NIN: variants seen among roughly 807,000 people sequenced by gnomAD.
NIN encodes the protein ninein.
In NIN, 137 loss-of-function variants were observed where a neutral mutation model predicts 257.6. That is an observed-to-expected ratio of 0.53 (90% CI 0.46 to 0.61). NIN has a LOEUF of 0.61. NIN is among the 20% of genes least tolerant of loss of function. NIN has a pLI of 0.00. For missense variants in NIN, 2,439 were observed against 2,501.2 expected, an observed-to-expected ratio of 0.98 and a Z score of 0.53; for synonymous variants, 918 against 919.8, an observed-to-expected ratio of 1.00 and a Z score of 0.04.
At chr14:50,811,326 C>G (rs7159596) in intron 3 of NIN, among the ~76,000 whole-genome samples, 11,974 of 151,352 alleles carry the variant, frequency 0.079, 599 homozygotes, top group Admixed American at 0.13. Flanking sequence ...CCAGGCTGGT[C>G]TCAAACTCCT....
intron 20 of NIN, 116 bp downstream of exon 20, chr14:50,754,447 C>G (rs2041933866): frequency 1.3e-6 from 1 of 797,538 alleles, no homozygotes; most frequent in South Asian, 1.7e-5. Context: ...GAATTTACAA[C>G]CTTACCATCA....
At chr14:50,729,067 G>A (rs2040557288) in intron 29 of NIN, among the ~76,000 whole-genome samples, 1 of 152,168 alleles carries the variant, frequency 6.6e-6, no homozygotes, top group Admixed American at 6.5e-5. Context: ...GGGAACATCA[G>A]GCCAATTGTG....
intron 28 of NIN, among the ~76,000 whole-genome samples, chr14:50,734,711 T>G (rs1270234131): frequency 6.6e-6 from 1 of 152,104 alleles, no homozygotes; most frequent in Non-Finnish European, 1.5e-5. Flanking sequence ...ACAGGGTCTC[T>G]CACTGTCTCC....
Position 50,760,218 on chromosome 14 carries a change from G to A in NIN, c.2038C>T (p.Gln680Ter). 6.2e-7 allele frequency: 1 copy of A among 1,613,708 alleles called. No homozygotes were observed. The highest frequency in any genetic ancestry group is 8.5e-7 in the Non-Finnish European group (1 of 1,180,044). ...TCCTTGAGCACTGCTGCTTGCCCCT[G>A]AAGTTCAGCAATTTCATTTTTAAGG... is the stretch of plus-strand genomic sequence containing the variant. ...SDLKNEIAELQGQAAVLKEAH... is the reference protein window; with the variant it reads ...SDLKNEIAEL Residue 680 changes from glutamine (Q) to a stop codon, truncating the protein, a stop_gained, in exon 17 of 31, where the codon CAG (glutamine) becomes TAG (stop). Transcript: ENST00000530997. LOFTEE classifies it high-confidence loss of function.
chr14:50,779,407 G>C (rs945975288), intron 5 of NIN, among the ~76,000 whole-genome samples: 1 of 152,326 alleles, frequency 6.6e-6, no homozygotes, highest in South Asian at 2.1e-4. Context: ...TTGTTAGATC[G>C]GGAAGAAGCA....
intron 4 of NIN, among the ~76,000 whole-genome samples, chr14:50,803,770 G>T (rs1381032970): frequency 1.3e-5 from 2 of 152,178 alleles, no homozygotes; most frequent in East Asian, 3.8e-4. Context: ...TCCATAAAGG[G>T]AGAGGGAGAG....
chr14:50,771,076 C>A (rs2042711955), intron 10 of NIN, 84 bp from the exon 11 acceptor site: 2 of 1,498,762 alleles, frequency 1.3e-6, no homozygotes, highest in Non-Finnish European at 1.8e-6. Flanking sequence ...TGGCTTGCAT[C>A]AATACAGAAG....
Position 50,823,347 on chromosome 14 carries a change from A to G in NIN, c.-21-1270T>C, listed in dbSNP as rs779773144. The G allele has an allele frequency of 2.6e-5, 14 of 528,468 alleles. No individual in the cohort carries two copies. In the East Asian group the frequency reaches 4.6e-4, roughly 17 times the overall value. The allele number at this position is 528,468 out of a possible 1,614,324, so 32.7% of individuals were successfully genotyped here. A position where few individuals can be genotyped will look rare whatever the true frequency, so the allele number is the denominator to read the frequency against. On this transcript the variant is annotated intron_variant, in intron 2 of 30. Coordinates refer to ENST00000530997, the MANE Select transcript of NIN (RefSeq NM_020921.4). ...GAACCAGTCCTTTGACTATAAAAAA[A>G]GCAGCAGCTTTCACTAACCAAGCAT...
intron 3 of NIN, among the ~76,000 whole-genome samples, chr14:50,817,687 T>C (rs2044973819): frequency 6.6e-6 from 1 of 152,076 alleles, no homozygotes; most frequent in African/African-American, 2.4e-5. Context: ...CCTCAGAACT[T>C]CAGGGGCTGT....
At chr14:50,789,816 T>C (rs1269159977) in intron 5 of NIN, among the ~76,000 whole-genome samples, 1 of 152,188 alleles carries the variant, frequency 6.6e-6, no homozygotes, top group Non-Finnish European at 1.5e-5. Flanking sequence ...TGAACTTCTA[T>C]AGGCCAACAG....
intron 21 of NIN, among the ~76,000 whole-genome samples, chr14:50,749,129 C>A (rs1595760797): frequency 6.6e-6 from 1 of 152,114 alleles, no homozygotes; most frequent in African/African-American, 2.4e-5. Flanking sequence ...ACCAATGGAA[C>A]AGAACAGAGG....
intron 16 of NIN, 57 bp from the exon 17 acceptor site, chr14:50,760,416 G>A (rs564949787): frequency 7.5e-6 from 6 of 803,580 alleles, no homozygotes; most frequent in East Asian, 3.3e-5. Context: ...CACTGAAAGT[G>A]AAGTGATGGA....
At chr14:50,786,431 G>C (rs2043352411) in intron 5 of NIN, among the ~76,000 whole-genome samples, 2 of 152,124 alleles carry the variant, frequency 1.3e-5, no homozygotes, top group Non-Finnish European at 2.9e-5. Context: ...ATTCCCGCTG[G>C]GATCAAGTCA....
At position 50,757,040 on chromosome 14, in the gene NIN, G is replaced by A; in HGVS notation, c.3990C>T (p.Gly1330=). 1 of 1,613,556 alleles carries A rather than the reference G, an allele frequency of 6.2e-7. No homozygotes were observed. Among genetic ancestry groups the A allele is most frequent in the Non-Finnish European group, 8.5e-7 (1 of 1,179,842 alleles). ...CGCTTTCCTGAAGCTTCTCAATCTT[G>A]CCTTGAAGTCTCAAAACCAGAACAT... ...GLNVLVLRLQ[G]KIEKLQESVV... The change falls in exon 18 of 31, where the codon GGC becomes GGT. Residue 1330 remains glycine (G), a synonymous_variant. Coordinates refer to ENST00000530997, the MANE Select transcript of NIN (RefSeq NM_020921.4).
intron 4 of NIN, chr14:50,805,855 C>A (rs2044301145): frequency 6.6e-6 from 1 of 152,126 alleles, no homozygotes. Flanking sequence ...GTTTCATTGT[C>A]CCCCAAATTC....
chr14:50,723,415 C>A lies in NIN; in HGVS notation c.*48G>T, dbSNP rs759669611. On this transcript the variant is annotated 3_prime_UTR_variant, in exon 31 of 31. Coordinates refer to ENST00000530997, the MANE Select transcript of NIN (RefSeq NM_020921.4). ...TAAGTTGAGAACCTACTGAAATGTT[C>A]ATCTATTTCAGTAAAGTGCACAAAT... 12 of 1,487,132 alleles carry A rather than the reference C, an allele frequency of 8.1e-6. No individual in the cohort carries two copies. The highest frequency in any genetic ancestry group is 5.8e-5 in the South Asian group (5 of 86,914). 92.1% of individuals were successfully genotyped at this position (1,487,132 alleles called of 1,614,324 possible).
chr14:50,727,868 T>A, intron 29 of NIN: 2 of 768,908 alleles, frequency 2.6e-6, no homozygotes, highest in Non-Finnish European at 4.0e-6. Flanking sequence ...ACATTAACAC[T>A]ACATAGGCAA....
chr14:50,769,110 A>T (rs1224882811), intron 12 of NIN, among the ~76,000 whole-genome samples: 1 of 152,254 alleles, frequency 6.6e-6, no homozygotes, highest in Non-Finnish European at 1.5e-5. Flanking sequence ...CTTTTGCGAT[A>T]GCAATAACAG....
intron 7 of NIN, among the ~76,000 whole-genome samples, chr14:50,773,915 G>C (rs2042825643): frequency 1.3e-5 from 2 of 152,170 alleles, no homozygotes. Flanking sequence ...GAGCAACGTG[G>C]ATCATTGAAG....
Sources: gnomAD v4.1 joint callset for allele counts (sites outside exome capture counted in the v4.1 genomes callset) on GRCh38, gnomAD v4.1.1 for gene constraint, MANE v1.5 for transcripts, NCBI Gene and HGNC (gene_info 2026-07-23, HGNC 2026-07-21) for gene names.